Variants in ABCC5 observed in about 807,000 individuals in gnomAD.
ABCC5 encodes ATP binding cassette subfamily C member 5.
ABCC5 carries 61 observed loss-of-function variants against 160.9 expected under a neutral mutation model. That is an observed-to-expected ratio of 0.38 (90% CI 0.31 to 0.47). The LOEUF (loss-of-function observed/expected upper bound fraction) is 0.47, where lower values mean the gene tolerates loss of function less well. Among genes scored for constraint, ABCC5 ranks in the 20% least tolerant of loss-of-function variants. The pLI is 0.99. For synonymous variants in ABCC5, 666 were observed against 700.6 expected (o/e 0.95, Z 0.78); for missense variants, 1,308 against 1,813.3 (o/e 0.72, Z 5.06).
rs533189298 is a variant in ABCC5, at chr3:183,951,972, G to A, written c.2699C>T (p.Ser900Leu). The A allele has an allele frequency of 2.0e-5, 32 of 1,612,368 alleles. No homozygotes were observed. The highest frequency in any genetic ancestry group is 1.3e-4 in the East Asian group (6 of 44,828). The change falls in exon 19 of 30, where the codon TCG becomes TTG. Residue 900 changes from serine to leucine, a missense_variant. Transcript: ENST00000334444. The surrounding 1 kb of genome is among the most constrained non-coding windows in gnomAD (Gnocchi z 4.7). ...NTTVTRGNET[S>L]VSDSMKDNPH... Reference sequence around the variant, plus strand: ...ATTGTCCTTCATGCTGTCACTCACCGAGGTCTCGTTCCCTCGAGTCACAGT... The same window carrying A: ...ATTGTCCTTCATGCTGTCACTCACCAAGGTCTCGTTCCCTCGAGTCACAGT...
At chr3:184,015,586 C>G (rs1189591228) in intron 1 of ABCC5, among the ~76,000 whole-genome samples, 1 of 152,094 alleles carries the variant, frequency 6.6e-6, no homozygotes, top group Non-Finnish European at 1.5e-5. Context: ...AGGACTAAAT[C>G]TCCTATGCAA....
chr3:183,960,729 AG>A (rs1482367758), intron 16 of ABCC5, among the ~76,000 whole-genome samples: 5 of 152,142 alleles, frequency 3.3e-5, no homozygotes, highest in Admixed American at 2.6e-4. Context: ...AACAGCCATC[AG>A]GGTTCTACCT....
At chr3:183,976,336 G>A (rs1466669695) in intron 10 of ABCC5, among the ~76,000 whole-genome samples, 1 of 152,016 alleles carries the variant, frequency 6.6e-6, no homozygotes, top group Non-Finnish European at 1.5e-5. Flanking sequence ...CTCACTGCAG[G>A]CTCGACCTCC....
At chr3:183,932,543 G>A (rs144631270) in intron 26 of ABCC5, among the ~76,000 whole-genome samples, 3 of 152,312 alleles carry the variant, frequency 2.0e-5, no homozygotes, top group East Asian at 1.9e-4. Context: ...AGGAGGCAAT[G>A]CAGTGAGTGT....
chr3:183,956,031 T>C (rs1256900892), intron 17 of ABCC5, among the ~76,000 whole-genome samples: 6 of 139,618 alleles, frequency 4.3e-5, no homozygotes, highest in South Asian at 4.5e-4. Context: ...TCCATGTGTA[T>C]ATCACATCAG....
intron 29 of ABCC5, among the ~76,000 whole-genome samples, chr3:183,922,068 A>AATAT (rs1336651622): frequency 2.0e-5 from 2 of 101,852 alleles, no homozygotes; most frequent in Admixed American, 1.2e-4. Flanking sequence ...TAAATAAATA[A>AATAT]ATAAATAAAT....
chr3:183,934,298 C>T (rs1713475072), intron 26 of ABCC5, among the ~76,000 whole-genome samples: 2 of 152,092 alleles, frequency 1.3e-5, no homozygotes, highest in African/African-American at 2.4e-5. Flanking sequence ...GTCTCAAAAA[C>T]AAAAGAATAC....
Position 183,963,715 on chromosome 3 carries a change from T to C in ABCC5, c.2032-127A>G, listed in dbSNP as rs1410077219. 1.2e-6 allele frequency: 1 copy of C among 819,874 alleles called. No individual in the cohort carries two copies. Among genetic ancestry groups the C allele is most frequent in the Non-Finnish European group, 1.8e-6 (1 of 557,516 alleles). 50.8% of individuals were successfully genotyped at this position (819,874 alleles called of 1,614,324 possible). On this transcript the variant is annotated intron_variant, in intron 14 of 29. Coordinates refer to ENST00000334444, the MANE Select transcript of ABCC5 (RefSeq NM_005688.4). This position sits in a 1 kb window ranked among gnomAD's most constrained non-coding sequence, Gnocchi z 4.6. ...TTCTGTCAATTCCCCGCAGATGAACTGCCATGCTGATTCCCCGCAGATGAA... is the reference window on the plus strand; with the variant it reads ...TTCTGTCAATTCCCCGCAGATGAACCGCCATGCTGATTCCCCGCAGATGAA...
intron 10 of ABCC5, among the ~76,000 whole-genome samples, chr3:183,975,393 G>A (rs1273817316): frequency 6.6e-6 from 1 of 152,118 alleles, no homozygotes; most frequent in Non-Finnish European, 1.5e-5. Context: ...CCAGGCTGGA[G>A]TGCAGTGGCG....
Position 183,970,896 on chromosome 3 carries a change from T to G in ABCC5, c.1761+667A>C, listed in dbSNP as rs140738239. On this transcript the variant is annotated intron_variant, in intron 11 of 29. Transcript: ENST00000334444. ...CTGTGCCCAGCCCTATCACAGCATC[T>G]GGCATGGAGTTTGATACTCATGAAA... Among the ~76,000 whole-genome samples the G allele has an allele frequency of 2.1e-3, 313 of 152,332 alleles. 1 individual carries two copies. Among genetic ancestry groups the G allele is most frequent in the African/African-American group, 7.0e-3 (293 of 41,576 alleles).
chr3:183,981,942 A>T, intron 7 of ABCC5, 68 bp from the exon 8 acceptor site: 1 of 1,518,174 alleles, frequency 6.6e-7, no homozygotes, highest in Non-Finnish European at 8.8e-7. Context: ...TAATCTGCTT[A>T]AGGTCATTCT....
Position 183,994,369 on chromosome 3 carries a change from T to C in ABCC5, c.130-4986A>G, listed in dbSNP as rs887290545. Among the ~76,000 whole-genome samples, 6 of 115,936 alleles carry C rather than the reference T, an allele frequency of 5.2e-5. No homozygotes were observed. In the Admixed American group the frequency reaches 5.3e-4, roughly 10 times the overall value. The allele number at this position is 115,936 out of a possible 152,430, so 76.1% of individuals were successfully genotyped here. ...TCCCCACATCCTCACCAGTGCTTGGTATTGGCATTTTTTTTTTTACCCCCA... is the reference window on the plus strand; with the variant it reads ...TCCCCACATCCTCACCAGTGCTTGGCATTGGCATTTTTTTTTTTACCCCCA... On this transcript the variant is annotated intron_variant, in intron 2 of 29. Coordinates refer to ENST00000334444, the MANE Select transcript of ABCC5 (RefSeq NM_005688.4).
intron 2 of ABCC5, among the ~76,000 whole-genome samples, chr3:183,992,556 T>C (rs929066024): frequency 1.3e-4 from 19 of 151,864 alleles, no homozygotes; most frequent in Non-Finnish European, 2.1e-4. Context: ...GAGGCCAAGG[T>C]GGGCGGATCA....
At chr3:183,985,259 T>C in intron 5 of ABCC5, 3 of 1,470,366 alleles carry the variant, frequency 2.0e-6, no homozygotes, top group Non-Finnish European at 2.9e-6. Context: ...TTAGCATAGC[T>C]GTCTGGCTGT....
At chr3:183,958,200 G>A (rs1004220702) in intron 17 of ABCC5, among the ~76,000 whole-genome samples, 3 of 152,162 alleles carry the variant, frequency 2.0e-5, no homozygotes, top group South Asian at 4.1e-4. Flanking sequence ...ATGCTTATCC[G>A]TGTGTATATT....
In ABCC5 at chr3:183,971,677, G is replaced by T. The variant is rs1486543614; in HGVS notation, c.1647C>A (p.Leu549=). 5 of 1,614,196 alleles carry T rather than the reference G, an allele frequency of 3.1e-6. No homozygotes were observed. The highest frequency in any genetic ancestry group is 4.2e-6 in the Non-Finnish European group (5 of 1,180,028). ...QAVLAEQKGH[L]LLDSDERPSP... ...TGGGCCGCTCGTCACTGTCCAGGAG[G>T]AGGTGGCCTTTCTGCTCTGCCAGCA... is the stretch of plus-strand genomic sequence containing the variant. The change falls in exon 11 of 30, where the codon CTC becomes CTA. Residue 549 remains leucine (L), a synonymous_variant. Transcript: ENST00000334444.
At chr3:183,928,847 T>C (rs746569978) in intron 26 of ABCC5, 22 bp from the exon 27 acceptor site, 7 of 1,607,230 alleles carry the variant, frequency 4.4e-6, no homozygotes, top group Non-Finnish European at 6.0e-6. Context: ...CACAGGAATT[T>C]CTCAGTGGTC....
At position 183,963,640 on chromosome 3, in the gene ABCC5, G is replaced by C. The variant is rs568056348; in HGVS notation, c.2032-52C>G. On this transcript the variant is annotated intron_variant, in intron 14 of 29. Transcript: ENST00000334444. The surrounding 1 kb of genome is among the most constrained non-coding windows in gnomAD (Gnocchi z 4.6). The stretch of plus-strand genomic sequence containing the variant: ...GCCTCCAGCGCAAGTCCAGAACAGC[G>C]TGGAGGGGTCACCCAGTCACTTCTC... The C allele has an allele frequency of 4.4e-6, 7 of 1,573,848 alleles. No homozygotes were observed. In the South Asian group the frequency reaches 5.6e-5, roughly 13 times the overall value.
chr3:183,995,356 C>T (rs1720182000), intron 2 of ABCC5, among the ~76,000 whole-genome samples: 1 of 152,144 alleles, frequency 6.6e-6, no homozygotes, highest in Admixed American at 6.6e-5. Context: ...AAGAACTCTT[C>T]TTCCAACCCC....
Sources: allele counts gnomAD v4.1 joint callset (sites outside exome capture counted in the v4.1 genomes callset), GRCh38; gene constraint gnomAD v4.1.1; non-coding constraint Gnocchi (gnomAD v3.1); transcripts MANE v1.5; gene names NCBI Gene and HGNC (gene_info 2026-07-23, HGNC 2026-07-21).